Variants in ZNF85 observed in about 807,000 individuals in gnomAD.
ZNF85 encodes the protein zinc finger protein 85.
A neutral mutation model predicts 53.9 loss-of-function variants in ZNF85; 50 were observed. That is an observed-to-expected ratio of 0.93 (90% CI 0.74 to 1.17). The LOEUF (loss-of-function observed/expected upper bound fraction) is 1.17. ZNF85 is among the 50% of genes most tolerant of loss of function. The pLI is 0.00. For missense variants in ZNF85, 747 were observed against 688.5 expected, an observed-to-expected ratio of 1.08 and a Z score of -0.95; for synonymous variants, 225 against 226.1, an observed-to-expected ratio of 1.00 and a Z score of 0.04.
Position 20,949,163 on chromosome 19 carries a change from C to T in ZNF85, c.649C>T (p.Leu217Phe). Reference protein sequence around the residue: ...CGKAFNWSSTLTKHKRIHTGE... With the variant: ...CGKAFNWSSTFTKHKRIHTGE... ...AAAAGCCTTTAACTGGTCCTCAACC[C>T]TTACTAAACATAAGAGAATTCATAC... Residue 217 changes from leucine (L) to phenylalanine (F), a missense_variant, in exon 4 of 4, where the codon CTT (leucine) becomes TTT (phenylalanine). Transcript: ENST00000328178. 1 of 1,613,510 alleles carries T rather than the reference C, an allele frequency of 6.2e-7. No individual in the cohort carries two copies. Among genetic ancestry groups the T allele is most frequent in the Non-Finnish European group, 8.5e-7 (1 of 1,179,744 alleles).
At chr19:20,941,595 G>A (rs1000788473) in intron 3 of ZNF85, among the ~76,000 whole-genome samples, 1 of 152,066 alleles carries the variant, frequency 6.6e-6, no homozygotes, top group Non-Finnish European at 1.5e-5. Context: ...TCCCATTTGT[G>A]TATTCTTTTT....
chr19:20,935,724 C>T (rs565301773), intron 3 of ZNF85, among the ~76,000 whole-genome samples: 17 of 151,262 alleles, frequency 1.1e-4, no homozygotes, highest in African/African-American at 3.4e-4. Context: ...CTCGGCTCAC[C>T]GCAACCTCTG....
rs772399690 is a variant in ZNF85 at position 20,949,031 on chromosome 19, C to G, written c.517C>G (p.Pro173Ala). The change falls in exon 4 of 4, where the codon CCT (proline) becomes GCT (alanine). Residue 173 changes from proline to alanine, a missense_variant. Transcript: ENST00000328178. ...TGAGATAAGACATACTAAAAAGAAA[C>G]CTTTCAAATGTACAAAATGTGGCAA... is the stretch of plus-strand genomic sequence containing the variant. ...RHEIRHTKKKPFKCTKCGKSF... is the reference protein window; with the variant it reads ...RHEIRHTKKKAFKCTKCGKSF... 1.2e-6 allele frequency: 2 copies of G among 1,613,782 alleles called. No homozygotes were observed. The highest frequency in any genetic ancestry group is 4.5e-5 in the East Asian group (2 of 44,854).
In ZNF85 at chr19:20,923,341, T is replaced by G; in HGVS notation, c.-60T>G. On this transcript the variant is annotated 5_prime_UTR_variant, in exon 1 of 4. Coordinates refer to ENST00000328178, the MANE Select transcript of ZNF85 (RefSeq NM_003429.5). ...TGGACGCCCAGCCTCTGTGGCCCTG[T>G]GGCCTGCAGGTATTGGGAGATCCAC... 1 of 1,613,278 alleles carries G rather than the reference T, an allele frequency of 6.2e-7. No homozygotes were observed.
intron 3 of ZNF85, chr19:20,942,888 A>C: frequency 1.5e-6 from 1 of 686,226 alleles, no homozygotes; most frequent in Non-Finnish European, 2.6e-6. Flanking sequence ...TGATTGTTCC[A>C]CCTCAGCCTC....
chr19:20,949,879 A>G lies in ZNF85; in HGVS notation c.1365A>G (p.Glu455=). ...KKIHTGEKPY[E]CEKCGKAFNQ... ...TTCATACTGGAGAGAAACCCTATGA[A>G]TGTGAAAAATGTGGCAAAGCTTTTA... Residue 455 remains glutamate (E), a synonymous_variant, in exon 4 of 4, where the codon GAA becomes GAG. Transcript: ENST00000328178. 1 of 1,612,800 alleles carries G rather than the reference A, an allele frequency of 6.2e-7. No homozygotes were observed. Among genetic ancestry groups the G allele is most frequent in the Non-Finnish European group, 8.5e-7 (1 of 1,179,388 alleles).
Position 20,950,187 on chromosome 19 carries a change from G to T in ZNF85, c.1673G>T (p.Arg558Ile), listed in dbSNP as rs765391447. 8 of 1,611,850 alleles carry T rather than the reference G, an allele frequency of 5.0e-6. No individual in the cohort carries two copies. The Admixed American group carries it at 5.0e-5, about 10-fold the overall frequency. Residue 558 changes from arginine (R) to isoleucine (I), a missense_variant, in exon 4 of 4, where the codon AGA becomes ATA. By Grantham distance (97) the Arg-to-Ile change is moderately conservative. Coordinates refer to ENST00000328178, the MANE Select transcript of ZNF85 (RefSeq NM_003429.5). ...TCCTCAAACCTTACTAAACATAAGA[G>T]AATTCATACTGGAGAAAAACCTTAC... ...NQSSNLTKHKRIHTGEKPYKC... is the reference protein window; with the variant it reads ...NQSSNLTKHKIIHTGEKPYKC...
chr19:20,935,658 A>ATTTTTT (rs966936998), intron 3 of ZNF85, among the ~76,000 whole-genome samples: 1 of 145,848 alleles, frequency 6.9e-6, no homozygotes, highest in African/African-American at 2.5e-5. Flanking sequence ...TGCCACTAGA[A>ATTTTTT]TTTTTTTTTT....
chr19:20,946,610 G>A (rs867503102), intron 3 of ZNF85, among the ~76,000 whole-genome samples: 1 of 145,386 alleles, frequency 6.9e-6, no homozygotes, highest in Non-Finnish European at 1.5e-5. Context: ...AATGTATATA[G>A]AAATTTTTCA....
chr19:20,930,141 A>AAAAT (rs1972978846), intron 1 of ZNF85, among the ~76,000 whole-genome samples: 1 of 150,870 alleles, frequency 6.6e-6, no homozygotes, highest in Non-Finnish European at 1.5e-5. Flanking sequence ...AAAAAAAAAA[A>AAAAT]AGAAATCAGA....
At chr19:20,935,300 G>T (rs150077146) in intron 3 of ZNF85, among the ~76,000 whole-genome samples, 8 of 152,018 alleles carry the variant, frequency 5.3e-5, no homozygotes, top group Non-Finnish European at 1.2e-4. Flanking sequence ...AGTCCTCTTC[G>T]TGGCATATAA....
chr19:20,928,101 G>A (rs953296448), intron 1 of ZNF85: 1 of 151,976 alleles, frequency 6.6e-6, no homozygotes, highest in African/African-American at 2.4e-5. Context: ...TCAAATTATT[G>A]AACTAGAGGG....
chr19:20,927,372 G>C (rs973303737), intron 1 of ZNF85: 1 of 151,814 alleles, frequency 6.6e-6, no homozygotes, highest in African/African-American at 2.4e-5. Context: ...AGAATCCCTT[G>C]AATCCAGGAG....
At chr19:20,937,112 A>C in intron 3 of ZNF85, 1 of 263,138 alleles carries the variant, frequency 3.8e-6, no homozygotes. Flanking sequence ...GGCTCACTGC[A>C]ACCTCCGCCT....
intron 1 of ZNF85, chr19:20,926,727 A>C (rs1269978015): frequency 2.0e-5 from 3 of 152,198 alleles, no homozygotes; most frequent in Non-Finnish European, 4.4e-5. Context: ...GGGGCCCCAC[A>C]GGCAGATGCA....
intron 3 of ZNF85, chr19:20,937,312 G>A (rs563799118): frequency 1.8e-5 from 8 of 456,096 alleles, no homozygotes; most frequent in African/African-American, 1.4e-4. Context: ...TTATAGACAT[G>A]AGCCTCAGCG....
At chr19:20,937,514 A>G (rs1441394315) in intron 3 of ZNF85, among the ~76,000 whole-genome samples, 5 of 152,140 alleles carry the variant, frequency 3.3e-5, no homozygotes, top group African/African-American at 1.2e-4. Context: ...TGTAACTCCC[A>G]TTTTATTTTT....
Position 20,949,768 on chromosome 19 carries a change from A to C in ZNF85, c.1254A>C (p.Ile418=), listed in dbSNP as rs1158072179. The part of the protein sequence containing the change: ...KHSSTLTKHK[I]IHTGEKPYKC... Reference sequence around the variant, plus strand: ...CTTCAACCCTTACTAAACATAAGATAATTCATACTGGAGAGAAGCCTTACA... The same window carrying C: ...CTTCAACCCTTACTAAACATAAGATCATTCATACTGGAGAGAAGCCTTACA... The change falls in exon 4 of 4, where the codon ATA becomes ATC. Residue 418 remains isoleucine (I), a synonymous_variant. Coordinates refer to ENST00000328178, the MANE Select transcript of ZNF85 (RefSeq NM_003429.5). 2.5e-6 allele frequency: 4 copies of C among 1,611,932 alleles called. No homozygotes were observed. In the East Asian group the frequency reaches 8.9e-5, roughly 36 times the overall value.
chr19:20,927,845 A>G (rs1972916336), intron 1 of ZNF85: 1 of 152,328 alleles, frequency 6.6e-6, no homozygotes. Flanking sequence ...TCATGCCACT[A>G]CACTCCACCC....
Sources: gnomAD v4.1 joint callset for allele counts (sites outside exome capture counted in the v4.1 genomes callset) on GRCh38, gnomAD v4.1.1 for gene constraint, MANE v1.5 for transcripts, NCBI Gene and HGNC (gene_info 2026-07-23, HGNC 2026-07-21) for gene names.